The following CDCP1 variants were observed in gnomAD, a reference collection of about 807,000 sequenced individuals.
CDCP1 encodes the protein CUB domain-containing protein 1.
A neutral mutation model predicts 60.2 loss-of-function variants in CDCP1; 29 were observed. That is an observed-to-expected ratio of 0.48 (90% CI 0.36 to 0.66). The LOEUF (loss-of-function observed/expected upper bound fraction) is 0.66, where lower values mean the gene tolerates loss of function less well. Among genes scored for constraint, CDCP1 ranks in the 30% least tolerant of loss-of-function variants. The probability of loss-of-function intolerance (pLI) is 0.00; values close to 1 mark genes in which losing one functional copy is unlikely to be tolerated. For missense variants in CDCP1, 876 were observed against 1,074.3 expected (o/e 0.82, Z 2.58); for synonymous variants, 387 against 431.1 (o/e 0.90, Z 1.27).
rs913982332 is a variant in CDCP1, at chr3:45,084,756, G to A, written c.*882C>T. 1 of 152,582 alleles carries A rather than the reference G, an allele frequency of 6.6e-6. No individual in the cohort carries two copies. Among genetic ancestry groups the A allele is most frequent in the Non-Finnish European group, 1.5e-5 (1 of 68,026 alleles). The allele number at this position is 152,582 out of a possible 1,614,324, so 9.5% of individuals were successfully genotyped here. A position where few individuals can be genotyped will look rare whatever the true frequency, so the allele number is the denominator to read the frequency against. On this transcript the variant is annotated 3_prime_UTR_variant, in exon 9 of 9. Transcript: ENST00000296129. ...GTGGCAACAGAAAACTAATGCAGGGGGCCACTGTTTGGTATATATTTAAAC... is the reference window on the plus strand; with the variant it reads ...GTGGCAACAGAAAACTAATGCAGGGAGCCACTGTTTGGTATATATTTAAAC...
intron 1 of CDCP1, among the ~76,000 whole-genome samples, chr3:45,143,453 G>A (rs1699328584): frequency 6.6e-6 from 1 of 152,118 alleles, no homozygotes; most frequent in Non-Finnish European, 1.5e-5. Context: ...AAGAAAAACT[G>A]GAAGCAACTT....
Position 45,083,166 on chromosome 3 carries a change from G to A in CDCP1, c.*2472C>T, listed in dbSNP as rs1390091946. 6 of 152,216 alleles carry A rather than the reference G, an allele frequency of 3.9e-5. No individual in the cohort carries two copies. The East Asian group carries it at 1.2e-3, about 29-fold the overall frequency. The allele number at this position is 152,216 out of a possible 1,614,324, so 9.4% of individuals were successfully genotyped here. ...GAATGGAGGGCTAGGGCTCCACACA[G>A]TGAATTCAAATAAGGGCTCTTCAGT... is the stretch of plus-strand genomic sequence containing the variant. On this transcript the variant is annotated 3_prime_UTR_variant, in exon 9 of 9. Transcript: ENST00000296129.
chr3:45,086,513 ATC>A (rs1419488141), intron 8 of CDCP1, among the ~76,000 whole-genome samples: 2 of 152,178 alleles, frequency 1.3e-5, no homozygotes, highest in African/African-American at 4.8e-5. Context: ...CTCATGCTTT[ATC>A]TCTCTTTTGC....
At chr3:45,119,844 A>T (rs1244639846) in intron 1 of CDCP1, among the ~76,000 whole-genome samples, 1 of 152,338 alleles carries the variant, frequency 6.6e-6, no homozygotes, top group South Asian at 2.1e-4. Context: ...AAGTTCCCTC[A>T]GTGCCCCTCT....
chr3:45,137,112 GT>G (rs1699202954), intron 1 of CDCP1, among the ~76,000 whole-genome samples: 1 of 152,140 alleles, frequency 6.6e-6, no homozygotes, highest in Non-Finnish European at 1.5e-5. Flanking sequence ...CTTGAATCTG[GT>G]TCTGTTCCCA....
chr3:45,082,970 G>A lies in CDCP1; in HGVS notation c.*2668C>T, dbSNP rs1698128870. ...GTCTCAGGAGCCAGCAACTTGTCCA[G>A]GAGTTTTGAGCCCTCAGTTGAAGGA... On this transcript the variant is annotated 3_prime_UTR_variant, in exon 9 of 9. Coordinates refer to ENST00000296129, the MANE Select transcript of CDCP1 (RefSeq NM_022842.5). The A allele has an allele frequency of 6.6e-6, 1 of 152,226 alleles. No individual in the cohort carries two copies. The highest frequency in any genetic ancestry group is 1.5e-5 in the Non-Finnish European group (1 of 68,058). The allele number at this position is 152,226 out of a possible 1,614,324, so 9.4% of individuals were successfully genotyped here.
chr3:45,132,590 G>T (rs1553611452), intron 1 of CDCP1, among the ~76,000 whole-genome samples: 1 of 152,156 alleles, frequency 6.6e-6, no homozygotes, highest in South Asian at 2.1e-4. Context: ...AATACTCCCT[G>T]CTTCTGTGCC....
At chr3:45,126,106 CTCTCTTTCTTTCTT>C (rs1487634865) in intron 1 of CDCP1, among the ~76,000 whole-genome samples, 1,561 of 149,840 alleles carry the variant, frequency 0.01, 11 homozygotes, top group Middle Eastern at 0.017. Context: ...CTTTGTCTCT[CTCTCTTTCTTTCTT>C]TCTTTCTTTC....
At chr3:45,138,877 G>T (rs1394244851) in intron 1 of CDCP1, among the ~76,000 whole-genome samples, 1 of 152,068 alleles carries the variant, frequency 6.6e-6, no homozygotes, top group Non-Finnish European at 1.5e-5. Context: ...AAAAGAAAAA[G>T]AAAGACCGAA....
intron 1 of CDCP1, among the ~76,000 whole-genome samples, chr3:45,120,163 G>T (rs1698858750): frequency 6.6e-6 from 1 of 152,232 alleles, no homozygotes; most frequent in Non-Finnish European, 1.5e-5. Context: ...GCCTGCACAA[G>T]ACTGGATGTA....
intron 1 of CDCP1, among the ~76,000 whole-genome samples, chr3:45,144,415 G>C (rs1332151913): frequency 4.6e-5 from 7 of 152,102 alleles, no homozygotes; most frequent in Non-Finnish European, 7.3e-5. Context: ...TACCCTCAAA[G>C]GGCCAGTTCC....
intron 1 of CDCP1, among the ~76,000 whole-genome samples, chr3:45,119,801 A>G (rs7630759): frequency 0.97 from 147,304 of 152,340 alleles, 71,287 homozygotes; most frequent in South Asian, 0.98. Flanking sequence ...GACCACCACA[A>G]TCAGGATATA....
intron 1 of CDCP1, among the ~76,000 whole-genome samples, chr3:45,135,554 C>T (rs1559402089): frequency 6.6e-6 from 1 of 152,176 alleles, no homozygotes; most frequent in Non-Finnish European, 1.5e-5. Flanking sequence ...GAAGGATTAA[C>T]TCTGAATTGC....
chr3:45,133,861 A>G (rs1046344773), intron 1 of CDCP1, among the ~76,000 whole-genome samples: 7 of 152,034 alleles, frequency 4.6e-5, no homozygotes, highest in African/African-American at 7.2e-5. Flanking sequence ...TGGGCAATCA[A>G]TCAGGAAGAG....
chr3:45,092,192 T>A lies in CDCP1; in HGVS notation c.1628-654A>T, dbSNP rs184698060. On this transcript the variant is annotated intron_variant, in intron 6 of 8. Coordinates refer to ENST00000296129, the MANE Select transcript of CDCP1 (RefSeq NM_022842.5). ...AGTCAGAGTAGGTACTCAGGACTTT[T>A]GAAAAAAAACAAAACAAACAGGCAA... is the stretch of plus-strand genomic sequence containing the variant. 4.1e-3 allele frequency among the ~76,000 whole-genome samples: 631 copies of A among 152,278 alleles called. 4 individuals are homozygous for A. The highest frequency in any genetic ancestry group is 6.8e-3 in the South Asian group (33 of 4,824).
intron 6 of CDCP1, among the ~76,000 whole-genome samples, chr3:45,092,349 A>T (rs1328292707): frequency 6.6e-6 from 1 of 152,174 alleles, no homozygotes; most frequent in Non-Finnish European, 1.5e-5. Flanking sequence ...TCTGTTTCAG[A>T]GATTAAAATA....
At chr3:45,126,110 C>A (rs1171965008) in intron 1 of CDCP1, among the ~76,000 whole-genome samples, 1 of 71,666 alleles carries the variant, frequency 1.4e-5, no homozygotes. Flanking sequence ...GTCTCTCTCT[C>A]TTTCTTTCTT....
intron 2 of CDCP1, among the ~76,000 whole-genome samples, chr3:45,116,828 T>C (rs1698799362): frequency 6.6e-6 from 1 of 152,330 alleles, no homozygotes; most frequent in South Asian, 2.1e-4. Flanking sequence ...CATGAGTCAA[T>C]CCAGCCCATT....
At chr3:45,108,761 ATATATATATG>A in intron 4 of CDCP1, among the ~76,000 whole-genome samples, 1 of 82,292 alleles carries the variant, frequency 1.2e-5, no homozygotes, top group African/African-American at 4.3e-5. Context: ...ATGCATGTAT[ATATATATATG>A]CATGTATACA....
Sources: gnomAD v4.1 joint callset for allele counts (sites outside exome capture counted in the v4.1 genomes callset) on GRCh38, gnomAD v4.1.1 for gene constraint, MANE v1.5 for transcripts, NCBI Gene and HGNC (gene_info 2026-07-23, HGNC 2026-07-21) for gene names.